GPC5: variants seen among roughly 807,000 people sequenced by gnomAD.
GPC5 encodes the protein glypican-5.
GPC5 carries 47 observed loss-of-function variants against 53.9 expected under a neutral mutation model. That is an observed-to-expected ratio of 0.87 (90% CI 0.69 to 1.11). The LOEUF (loss-of-function observed/expected upper bound fraction) is 1.11. Ranked by LOEUF, GPC5 falls within the 50% of genes most tolerant of loss-of-function variation. The pLI is 0.00. For synonymous variants in GPC5, 286 were observed against 263.3 expected (o/e 1.09, Z -0.84); for missense variants, 748 against 713.1 (o/e 1.05, Z -0.56).
intron 7 of GPC5, among the ~76,000 whole-genome samples, chr13:92,814,169 G>C (rs1209171262): frequency 6.6e-6 from 1 of 151,868 alleles, no homozygotes; most frequent in Non-Finnish European, 1.5e-5. Flanking sequence ...ATTGGGTATA[G>C]ATATAAACTT....
chr13:92,625,627 T>C (rs1364288842), intron 7 of GPC5, among the ~76,000 whole-genome samples: 1 of 152,184 alleles, frequency 6.6e-6, no homozygotes, highest in Admixed American at 6.5e-5. Flanking sequence ...AACGAAGACC[T>C]TTTAGGACTT....
At chr13:92,746,924 A>C (rs1456714726) in intron 7 of GPC5, among the ~76,000 whole-genome samples, 2 of 152,148 alleles carry the variant, frequency 1.3e-5, no homozygotes, top group African/African-American at 4.8e-5. Flanking sequence ...TAGGTGATGT[A>C]ACCTATTGCA....
At chr13:91,951,852 A>C (rs1036038856) in intron 6 of GPC5, among the ~76,000 whole-genome samples, 1 of 152,138 alleles carries the variant, frequency 6.6e-6, no homozygotes, top group Non-Finnish European at 1.5e-5. Flanking sequence ...CATCAAATCA[A>C]CATTTCGTTT....
At chr13:92,683,899 A>G (rs115429487) in intron 7 of GPC5, among the ~76,000 whole-genome samples, 1,604 of 152,292 alleles carry the variant, frequency 0.011, 33 homozygotes, top group African/African-American at 0.037. Flanking sequence ...TGATGAGCCA[A>G]TGTTGATAAA....
chr13:91,681,824 T>C (rs1360572671), intron 2 of GPC5, among the ~76,000 whole-genome samples: 4 of 152,204 alleles, frequency 2.6e-5, no homozygotes, highest in Non-Finnish European at 5.9e-5. Flanking sequence ...ATTTATAATA[T>C]TAGTTAATTT....
At chr13:91,618,439 C>T (rs1024278048) in intron 2 of GPC5, among the ~76,000 whole-genome samples, 3 of 151,986 alleles carry the variant, frequency 2.0e-5, no homozygotes, top group Non-Finnish European at 2.9e-5. Flanking sequence ...ACATAATATT[C>T]AATGTGATTT....
At chr13:92,397,553 TC>T (rs1875342621) in intron 7 of GPC5, among the ~76,000 whole-genome samples, 1 of 152,254 alleles carries the variant, frequency 6.6e-6, no homozygotes. Context: ...TTGTATGATT[TC>T]CGCAGCTTCT....
At chr13:91,761,307 C>T (rs184303093) in intron 5 of GPC5, among the ~76,000 whole-genome samples, 1 of 152,216 alleles carries the variant, frequency 6.6e-6, no homozygotes, top group East Asian at 1.9e-4. Flanking sequence ...TGTTTTTCCT[C>T]TGCTTTTATA....
At chr13:92,129,420 T>C (rs1334700289) in intron 6 of GPC5, among the ~76,000 whole-genome samples, 1 of 152,246 alleles carries the variant, frequency 6.6e-6, no homozygotes, top group East Asian at 1.9e-4. Context: ...ATTATCAGAA[T>C]ACTTCATTAT....
intron 7 of GPC5, among the ~76,000 whole-genome samples, chr13:92,826,013 A>G (rs762250883): frequency 6.6e-6 from 1 of 152,120 alleles, no homozygotes; most frequent in Non-Finnish European, 1.5e-5. Context: ...GCCATGACAG[A>G]CAATGCTCCA....
chr13:92,850,937 T>C (rs542365798), intron 7 of GPC5, among the ~76,000 whole-genome samples: 2 of 152,262 alleles, frequency 1.3e-5, no homozygotes, highest in African/African-American at 2.4e-5. Context: ...GCATAACTTA[T>C]AAATAAAAGA....
chr13:92,593,981 CA>C (rs1470789313), intron 7 of GPC5, among the ~76,000 whole-genome samples: 2 of 152,068 alleles, frequency 1.3e-5, no homozygotes, highest in African/African-American at 4.8e-5. Context: ...GCATAAACTG[CA>C]AGAACAAATA....
chr13:92,457,681 T>C (rs2139405798), intron 7 of GPC5, among the ~76,000 whole-genome samples: 1 of 152,336 alleles, frequency 6.6e-6, no homozygotes, highest in East Asian at 1.9e-4. Flanking sequence ...ATTTAGCCTA[T>C]TTATTTTCCT....
At position 92,284,017 on chromosome 13, in the gene GPC5, A is replaced by T. The variant is rs1286294176; in HGVS notation, c.1561+139028A>T. On this transcript the variant is annotated intron_variant, in intron 7 of 7. Transcript: ENST00000377067. Reference sequence around the variant, plus strand: ...TAGCAAGACTAATAAAGAAGAAAAGAAGAATCAAATAGACACAATAAAAAA... The same window carrying T: ...TAGCAAGACTAATAAAGAAGAAAAGTAGAATCAAATAGACACAATAAAAAA... 2.6e-5 allele frequency among the ~76,000 whole-genome samples: 4 copies of T among 152,292 alleles called. No individual in the cohort carries two copies. In the South Asian group the frequency reaches 8.3e-4, roughly 32 times the overall value.
intron 7 of GPC5, among the ~76,000 whole-genome samples, chr13:92,730,448 G>A (rs1393786509): frequency 6.6e-6 from 1 of 151,264 alleles, no homozygotes; most frequent in African/African-American, 2.4e-5. Context: ...TATTTGCAAT[G>A]ACATCACCAA....
At chr13:91,941,418 C>T (rs963991732) in intron 6 of GPC5, among the ~76,000 whole-genome samples, 5 of 152,046 alleles carry the variant, frequency 3.3e-5, no homozygotes, top group African/African-American at 1.2e-4. Flanking sequence ...AGGTATTACC[C>T]TGTCTCTATC....
intron 7 of GPC5, among the ~76,000 whole-genome samples, chr13:92,163,782 T>C (rs1161540282): frequency 3.3e-5 from 5 of 152,184 alleles, no homozygotes; most frequent in African/African-American, 1.2e-4. Flanking sequence ...AATTAAAATA[T>C]GAAAATTGAA....
intron 5 of GPC5, among the ~76,000 whole-genome samples, chr13:91,788,321 T>C (rs2037909840): frequency 6.6e-6 from 1 of 152,174 alleles, no homozygotes; most frequent in Admixed American, 6.5e-5. Context: ...AGGGACCCAC[T>C]CTCATGACCT....
chr13:91,586,946 A>G (rs1003176191), intron 2 of GPC5, among the ~76,000 whole-genome samples: 1 of 152,108 alleles, frequency 6.6e-6, no homozygotes, highest in Non-Finnish European at 1.5e-5. Flanking sequence ...CAGGCTAGGT[A>G]TATTAGACAT....
Sources: allele counts gnomAD v4.1 joint callset (sites outside exome capture counted in the v4.1 genomes callset), GRCh38; gene constraint gnomAD v4.1.1; transcripts MANE v1.5; gene names NCBI Gene and HGNC (gene_info 2026-07-23, HGNC 2026-07-21).